LTBP1: variants seen among roughly 807,000 people sequenced by gnomAD.
LTBP1 encodes latent-transforming growth factor beta-binding protein 1.
Under a neutral mutation model 207.6 loss-of-function variants are expected in LTBP1, and 129 were observed. The ratio of observed to expected loss-of-function variants is 0.62; its 90% confidence interval spans 0.54 to 0.72. The LOEUF (loss-of-function observed/expected upper bound fraction) is 0.72, where lower values mean the gene tolerates loss of function less well. Ranked by LOEUF, LTBP1 falls within the 30% of genes least tolerant of loss-of-function variation. The pLI is 0.00. For synonymous variants in LTBP1, 963 were observed against 833.7 expected (o/e 1.16, Z -2.67); for missense variants, 2,281 against 2,217.2 (o/e 1.03, Z -0.58).
chr2:33,115,703 A>G (rs1429911464), intron 4 of LTBP1, among the ~76,000 whole-genome samples: 7 of 152,162 alleles, frequency 4.6e-5, no homozygotes, highest in African/African-American at 1.7e-4. Context: ...TGTAAACCAA[A>G]TTCTATTGTG....
At chr2:32,980,815 C>T (rs1302749035) in intron 2 of LTBP1, among the ~76,000 whole-genome samples, 1 of 152,134 alleles carries the variant, frequency 6.6e-6, no homozygotes, top group Non-Finnish European at 1.5e-5. Flanking sequence ...CTTTATTTCT[C>T]CTTCATGTTT....
At chr2:32,974,201 A>C (rs940863921) in intron 2 of LTBP1, among the ~76,000 whole-genome samples, 4 of 152,160 alleles carry the variant, frequency 2.6e-5, no homozygotes, top group Admixed American at 6.5e-5. Context: ...TGTTGTGCTA[A>C]TTTACATTCC....
rs766318810 is a variant in LTBP1, at chr2:33,262,718, C to T, written c.2419-4C>T. ...TTATTCTCTTTTAAAATACAACCAT[C>T]CAGGAAATACCTTCATTGGATCAAG... On this transcript the variant is annotated splice_polypyrimidine_tract_variant and splice_region_variant and intron_variant, in intron 13 of 33. Coordinates refer to ENST00000404816, the MANE Select transcript of LTBP1 (RefSeq NM_206943.4). The T allele has an allele frequency of 6.5e-7, 1 of 1,529,106 alleles. No individual in the cohort carries two copies. The highest frequency in any genetic ancestry group is 9.0e-7 in the Non-Finnish European group (1 of 1,114,388). 94.7% of individuals were successfully genotyped at this position (1,529,106 alleles called of 1,614,324 possible).
At chr2:32,992,945 T>C (rs1684646535) in intron 2 of LTBP1, among the ~76,000 whole-genome samples, 1 of 152,048 alleles carries the variant, frequency 6.6e-6, no homozygotes, top group South Asian at 2.1e-4. Context: ...GCAGATTTAA[T>C]GTACTGGGCA....
chr2:33,234,981 T>G (rs1030224907), intron 9 of LTBP1, among the ~76,000 whole-genome samples: 2 of 152,132 alleles, frequency 1.3e-5, no homozygotes, highest in Non-Finnish European at 2.9e-5. Flanking sequence ...ATTCAGGACA[T>G]AGGCATGGGC....
chr2:33,056,250 T>C, intron 3 of LTBP1: 1 of 448,602 alleles, frequency 2.2e-6, no homozygotes, highest in Non-Finnish European at 3.8e-6. Flanking sequence ...TTAGGATGCA[T>C]TTCAAGGGTG....
intron 26 of LTBP1, among the ~76,000 whole-genome samples, chr2:33,351,013 T>C (rs2094774311): frequency 6.6e-6 from 1 of 152,162 alleles, no homozygotes; most frequent in Admixed American, 6.6e-5. Context: ...CATACAGGTA[T>C]TCTCCACTTT....
intron 3 of LTBP1, among the ~76,000 whole-genome samples, chr2:33,076,597 C>T (rs935691482): frequency 6.6e-6 from 1 of 151,376 alleles, no homozygotes; most frequent in Non-Finnish European, 1.5e-5. Context: ...AGTGCAGTGG[C>T]GTGATCTCAG....
At chr2:33,128,816 T>A (rs561863017) in intron 4 of LTBP1, among the ~76,000 whole-genome samples, 2 of 152,338 alleles carry the variant, frequency 1.3e-5, no homozygotes, top group Admixed American at 1.3e-4. Context: ...TCTTTTTTCC[T>A]CCTTTTTATG....
At chr2:33,352,562 C>T (rs2094796490) in intron 26 of LTBP1, among the ~76,000 whole-genome samples, 1 of 152,174 alleles carries the variant, frequency 6.6e-6, no homozygotes, top group South Asian at 2.1e-4. Context: ...TCCTTCAAAT[C>T]TCTCCCTGTT....
At chr2:33,007,128 G>A (rs111515111) in intron 2 of LTBP1, among the ~76,000 whole-genome samples, 38 of 152,276 alleles carry the variant, frequency 2.5e-4, no homozygotes, top group Admixed American at 7.2e-4. Context: ...GCAGTGGCAC[G>A]ATCTTGGCTT....
intron 26 of LTBP1, among the ~76,000 whole-genome samples, chr2:33,357,027 C>T (rs989225329): frequency 1.5e-4 from 23 of 152,186 alleles, no homozygotes; most frequent in African/African-American, 5.3e-4. Flanking sequence ...CTCATAAAAA[C>T]CTTCAGAACA....
intron 4 of LTBP1, among the ~76,000 whole-genome samples, chr2:33,131,423 A>C (rs554332295): frequency 6.6e-6 from 1 of 152,198 alleles, no homozygotes; most frequent in African/African-American, 2.4e-5. Flanking sequence ...AACTTTTTAC[A>C]CTATACCCTA....
rs932011056 is a variant in LTBP1 at position 33,001,867 on chromosome 2, A to G, written c.566-19042A>G. ...CAAATATTTTGTCTTCCCTGAAACA[A>G]ATAGTAAGAGGAGAAAGTGTCCTGT... is the stretch of plus-strand genomic sequence containing the variant. On this transcript the variant is annotated intron_variant, in intron 2 of 33. Coordinates refer to ENST00000404816, the MANE Select transcript of LTBP1 (RefSeq NM_206943.4). 1.3e-4 allele frequency among the ~76,000 whole-genome samples: 17 copies of G among 135,204 alleles called. 3 individuals are homozygous for G. Among genetic ancestry groups the G allele is most frequent in the Middle Eastern group, 8.1e-3 (2 of 246 alleles). 88.7% of individuals were successfully genotyped at this position (135,204 alleles called of 152,430 possible). A position where few individuals can be genotyped will look rare whatever the true frequency, so the allele number is the denominator to read the frequency against.
At chr2:33,210,691 C>T (rs2090246137) in intron 7 of LTBP1, among the ~76,000 whole-genome samples, 1 of 152,338 alleles carries the variant, frequency 6.6e-6, no homozygotes, top group East Asian at 1.9e-4. Flanking sequence ...TCTGACTCTG[C>T]ACACCCACTC....
chr2:33,074,258 G>A (rs1320730260), intron 3 of LTBP1, among the ~76,000 whole-genome samples: 5 of 152,130 alleles, frequency 3.3e-5, no homozygotes, highest in Non-Finnish European at 7.3e-5. Context: ...TGCAAACCGG[G>A]GCTGATCTGC....
intron 9 of LTBP1, among the ~76,000 whole-genome samples, chr2:33,229,790 T>G (rs2091684148): frequency 6.6e-6 from 1 of 152,206 alleles, no homozygotes; most frequent in African/African-American, 2.4e-5. Context: ...GATGGTCTAC[T>G]GGTAACACCA....
intron 3 of LTBP1, among the ~76,000 whole-genome samples, chr2:33,087,956 G>GA (rs2149980497): frequency 6.6e-6 from 1 of 152,242 alleles, no homozygotes; most frequent in Admixed American, 6.5e-5. Context: ...TGGTACACAG[G>GA]AAAAAATTCT....
At chr2:33,359,791 C>T (rs749857909) in intron 26 of LTBP1, among the ~76,000 whole-genome samples, 1 of 152,178 alleles carries the variant, frequency 6.6e-6, no homozygotes, top group East Asian at 1.9e-4. Flanking sequence ...TTTTTAAAAG[C>T]ACAGACTTGT....
Sources: gnomAD v4.1 joint callset for allele counts (sites outside exome capture counted in the v4.1 genomes callset) on GRCh38, gnomAD v4.1.1 for gene constraint, MANE v1.5 for transcripts, NCBI Gene and HGNC (gene_info 2026-07-23, HGNC 2026-07-21) for gene names.